KLF15: variants seen among roughly 807,000 people sequenced by gnomAD.
The protein encoded by KLF15 is KLF transcription factor 15.
Under a neutral mutation model 24.6 loss-of-function variants are expected in KLF15, and 4 were observed. That is an observed-to-expected ratio of 0.16 (90% CI 0.08 to 0.37). KLF15 has a LOEUF of 0.37. Among genes scored for constraint, KLF15 ranks in the 10% least tolerant of loss-of-function variants. The pLI, the probability that KLF15 is intolerant of heterozygous loss-of-function variation, is 1.00. For missense variants in KLF15, 496 were observed against 560.6 expected, an observed-to-expected ratio of 0.88 and a Z score of 1.16; for synonymous variants, 246 against 236.3, an observed-to-expected ratio of 1.04 and a Z score of -0.37.
At chr3:126,289,426 G>A in the KLF15 span, among the ~76,000 whole-genome samples, 3 of 152,152 alleles carry the variant, frequency 2.0e-5, no homozygotes, top group African/African-American at 7.2e-5. Context: ...ATGTGCCAAT[G>A]GTTAATATCT....
chr3:126,310,908 C>G, the KLF15 span, among the ~76,000 whole-genome samples: 1 of 152,192 alleles, frequency 6.6e-6, no homozygotes, highest in South Asian at 2.1e-4. Context: ...CCGCTGTGGG[C>G]TAGTCCCTGA....
chr3:126,329,900 A>T, the KLF15 span, among the ~76,000 whole-genome samples: 2 of 151,260 alleles, frequency 1.3e-5, no homozygotes. Context: ...CTGTCATAAA[A>T]GTTATGAACT....
the KLF15 span, among the ~76,000 whole-genome samples, chr3:126,292,009 C>T: frequency 6.6e-6 from 1 of 152,218 alleles, no homozygotes; most frequent in Admixed American, 6.5e-5. Flanking sequence ...CCCTCCACAC[C>T]CTAAGTGTCC....
downstream of KLF15, among the ~76,000 whole-genome samples, chr3:126,338,083 G>T (rs12486977): frequency 0.64 from 97,760 of 152,124 alleles, 31,467 homozygotes; most frequent in South Asian, 0.72. Flanking sequence ...CCGGAAGACT[G>T]AACCCACTGC....
chr3:126,328,546 C>T, the KLF15 span, among the ~76,000 whole-genome samples: 1 of 152,190 alleles, frequency 6.6e-6, no homozygotes, highest in Non-Finnish European at 1.5e-5. Flanking sequence ...ACATTCCCAC[C>T]AGCAGCGTAG....
At chr3:126,298,858 G>C in the KLF15 span, among the ~76,000 whole-genome samples, 4 of 152,100 alleles carry the variant, frequency 2.6e-5, no homozygotes, top group African/African-American at 9.7e-5. Flanking sequence ...ATGCTGTTTT[G>C]GTAACTACAG....
intron 2 of KLF15, among the ~76,000 whole-genome samples, chr3:126,345,553 T>TCTCACACA (rs1553779705): frequency 7.3e-5 from 11 of 149,678 alleles, no homozygotes; most frequent in Non-Finnish European, 1.3e-4. Flanking sequence ...CCACACATAC[T>TCTCACACA]CACACACACA....
downstream of KLF15, among the ~76,000 whole-genome samples, chr3:126,339,782 G>A (rs1047680681): frequency 1.2e-4 from 18 of 152,260 alleles, no homozygotes; most frequent in Admixed American, 5.9e-4. Context: ...TCCACCTCCC[G>A]GCTCTCACGG....
At chr3:126,355,282 G>C (rs557159027) in intron 1 of KLF15, among the ~76,000 whole-genome samples, 14 of 152,356 alleles carry the variant, frequency 9.2e-5, no homozygotes, top group Admixed American at 6.5e-4. Context: ...AGTACAGTAG[G>C]GGGGCTGGAA....
At position 126,356,545 on chromosome 3, in the gene KLF15, G is replaced by A. The variant is rs981207216; in HGVS notation, c.-26+692C>T. Among the ~76,000 whole-genome samples the A allele has an allele frequency of 3.3e-5, 5 of 152,144 alleles. No individual in the cohort carries two copies. The highest frequency in any genetic ancestry group is 3.2e-3 in the Middle Eastern group (1 of 316). Reference sequence around the variant, plus strand: ...GTCTGAGCGGACGGGGACTCAGCGTGGAGTGAGACGCGTGAACGGTGCGGG... The same window carrying A: ...GTCTGAGCGGACGGGGACTCAGCGTAGAGTGAGACGCGTGAACGGTGCGGG... On this transcript the variant is annotated intron_variant, in intron 1 of 2. Coordinates refer to ENST00000296233, the MANE Select transcript of KLF15 (RefSeq NM_014079.4). This position sits in a 1 kb window ranked among gnomAD's most constrained non-coding sequence, Gnocchi z 4.4.
the KLF15 span, among the ~76,000 whole-genome samples, chr3:126,295,458 C>T: frequency 6.6e-6 from 1 of 152,288 alleles, no homozygotes; most frequent in South Asian, 2.1e-4. Context: ...TTAGTTTCCC[C>T]GTTGGTTTGG....
chr3:126,331,498 G>A, the KLF15 span, among the ~76,000 whole-genome samples: 1 of 152,188 alleles, frequency 6.6e-6, no homozygotes. Context: ...ACTGAGCCCT[G>A]CAACCCTTTT....
chr3:126,331,625 C>T, the KLF15 span, among the ~76,000 whole-genome samples: 4 of 152,098 alleles, frequency 2.6e-5, no homozygotes, highest in Admixed American at 6.5e-5. Flanking sequence ...CCAAGATGGC[C>T]GAATAGGAAC....
the KLF15 span, among the ~76,000 whole-genome samples, chr3:126,292,704 G>A: frequency 6.6e-6 from 1 of 152,074 alleles, no homozygotes; most frequent in Non-Finnish European, 1.5e-5. Flanking sequence ...CCATGGGGTT[G>A]AGTCTGGACG....
chr3:126,328,842 CA>C, the KLF15 span, among the ~76,000 whole-genome samples: 2 of 152,160 alleles, frequency 1.3e-5, no homozygotes, highest in South Asian at 4.1e-4. Flanking sequence ...TTGCCATTTG[CA>C]TGTCTTTTAC....
chr3:126,293,144 T>TAAAA, the KLF15 span, among the ~76,000 whole-genome samples: 51 of 118,552 alleles, frequency 4.3e-4, 1 homozygote, highest in South Asian at 1.6e-3. Flanking sequence ...ACTGCATCTC[T>TAAAA]AAAAAAAAAA....
At chr3:126,310,946 T>C in the KLF15 span, among the ~76,000 whole-genome samples, 4 of 152,152 alleles carry the variant, frequency 2.6e-5, no homozygotes, top group Non-Finnish European at 1.5e-5. Context: ...CTCTCTCACC[T>C]GCTCAGCTTC....
downstream of KLF15, among the ~76,000 whole-genome samples, chr3:126,341,284 A>T (rs72975981): frequency 2.6e-3 from 402 of 152,288 alleles, 1 homozygote; most frequent in African/African-American, 9.4e-3. Context: ...CAACAGCAGG[A>T]TGTTGGGACA....
chr3:126,313,494 G>C, the KLF15 span, among the ~76,000 whole-genome samples: 1 of 152,160 alleles, frequency 6.6e-6, no homozygotes, highest in African/African-American at 2.4e-5. Context: ...CTGGTGATTT[G>C]GACTTTGAGA....
Sources: gnomAD v4.1 joint callset for allele counts (sites outside exome capture counted in the v4.1 genomes callset) on GRCh38, gnomAD v4.1.1 for gene constraint, Gnocchi (gnomAD v3.1) non-coding constraint, MANE v1.5 for transcripts, NCBI Gene and HGNC (gene_info 2026-07-23, HGNC 2026-07-21) for gene names.